The following EDA variants were observed in gnomAD, a reference collection of about 807,000 sequenced individuals.
EDA encodes ectodysplasin-A.
Under a neutral mutation model 23.6 loss-of-function variants are expected in EDA, and 2 were observed. That is an observed-to-expected ratio of 0.08 (90% confidence interval 0.03 to 0.27). The LOEUF (loss-of-function observed/expected upper bound fraction) is 0.27, where lower values mean the gene tolerates loss of function less well. Ranked by LOEUF, EDA falls within the 10% of genes least tolerant of loss-of-function variation. EDA has a pLI of 1.00. For synonymous variants in EDA, 131 were observed against 132.0 expected (o/e 0.99, Z 0.05); for missense variants, 229 against 324.2 (o/e 0.71, Z 2.26).
intron 1 of EDA, among the ~76,000 whole-genome samples, chrX:69,922,026 C>T (rs1192273663): frequency 8.9e-6 from 1 of 111,758 alleles, no homozygotes; most frequent in Non-Finnish European, 1.9e-5. Context: ...TTTGCCTTTT[C>T]CAAAATGTTG....
At chrX:69,935,564 G>T (rs1423612713) in intron 1 of EDA, among the ~76,000 whole-genome samples, 1 of 111,333 alleles carries the variant, frequency 9.0e-6, no homozygotes, top group Admixed American at 9.6e-5. Context: ...GTTTAAAAAG[G>T]ACCACCCAGT....
At chrX:69,800,527 T>A (rs1221727316) in intron 1 of EDA, among the ~76,000 whole-genome samples, 3 of 110,968 alleles carry the variant, frequency 2.7e-5, no homozygotes, top group Non-Finnish European at 5.7e-5. Context: ...GTATCATTTT[T>A]TAAAAAATAA....
intron 1 of EDA, among the ~76,000 whole-genome samples, chrX:69,734,709 G>T (rs1324836298): frequency 1.8e-5 from 2 of 111,453 alleles, no homozygotes; most frequent in Non-Finnish European, 3.8e-5. Flanking sequence ...GATAGATATT[G>T]TTTAATTTCC....
intron 1 of EDA, among the ~76,000 whole-genome samples, chrX:69,826,760 T>C (rs1435502186): frequency 9.1e-6 from 1 of 109,988 alleles, no homozygotes; most frequent in Non-Finnish European, 1.9e-5. Context: ...AGCTGGTGAT[T>C]TTGCTTGTTA....
At chrX:69,617,109 T>G in intron 1 of EDA, 1 of 290,967 alleles carries the variant, frequency 3.4e-6, no homozygotes, top group Non-Finnish European at 6.3e-6. Context: ...ACCAGCAGGC[T>G]CCCCTTTGGA....
intron 1 of EDA, among the ~76,000 whole-genome samples, chrX:69,851,195 A>T (rs1693307347): frequency 9.8e-6 from 1 of 101,596 alleles, no homozygotes; most frequent in African/African-American, 3.4e-5. Flanking sequence ...ACGTGTGTGT[A>T]TAACTTTTGT....
chrX:70,002,630 G>T (rs1415080548), intron 2 of EDA, among the ~76,000 whole-genome samples: 1 of 112,079 alleles, frequency 8.9e-6, no homozygotes, highest in Admixed American at 9.5e-5. Flanking sequence ...TGCAGATGAT[G>T]AATCATTTAG....
chrX:69,762,045 T>C (rs1429981609), intron 1 of EDA, among the ~76,000 whole-genome samples: 1 of 111,602 alleles, frequency 9.0e-6, no homozygotes, highest in Admixed American at 9.6e-5. Flanking sequence ...CTTGGCCAAT[T>C]TTGAGTAGTT....
chrX:69,681,940 C>G (rs962563676), intron 1 of EDA, among the ~76,000 whole-genome samples: 2 of 110,160 alleles, frequency 1.8e-5, no homozygotes, highest in Admixed American at 9.7e-5. Flanking sequence ...GTTTTTTCCC[C>G]ATCTTTGTGG....
At chrX:69,971,606 G>C (rs1398930617) in intron 2 of EDA, among the ~76,000 whole-genome samples, 1 of 111,646 alleles carries the variant, frequency 9.0e-6, no homozygotes, top group East Asian at 2.8e-4. Flanking sequence ...CCAAGATCCA[G>C]CTGTAGGCTT....
At chrX:69,678,912 G>A (rs1422020189) in intron 1 of EDA, among the ~76,000 whole-genome samples, 1 of 88,027 alleles carries the variant, frequency 1.1e-5, no homozygotes, top group South Asian at 6.5e-4. Context: ...TTTTCAAAGG[G>A]AATGCTTCCA....
intron 1 of EDA, among the ~76,000 whole-genome samples, chrX:69,948,377 C>T (rs369055923): frequency 8.9e-6 from 1 of 112,210 alleles, no homozygotes; most frequent in African/African-American, 3.2e-5. Flanking sequence ...TTAGATTCCA[C>T]ATTTAGCGTT....
chrX:70,033,710 C>CTTTTG (rs757634498), intron 7 of EDA, among the ~76,000 whole-genome samples, 182 bp downstream of exon 7: 170 of 110,889 alleles, frequency 1.5e-3, no homozygotes, highest in African/African-American at 4.9e-3. Flanking sequence ...GGGCCAGCTT[C>CTTTTG]TTTTGTTTTG....
At chrX:69,822,155 C>G (rs766588261) in intron 1 of EDA, among the ~76,000 whole-genome samples, 3 of 110,582 alleles carry the variant, frequency 2.7e-5, no homozygotes, top group African/African-American at 6.6e-5. Context: ...TATGGTGGTG[C>G]ACGCCTGTAG....
intron 1 of EDA, among the ~76,000 whole-genome samples, chrX:69,927,372 G>A (rs1306730834): frequency 9.0e-6 from 1 of 111,467 alleles, no homozygotes; most frequent in East Asian, 2.8e-4. Context: ...CTCAGCATTT[G>A]CTTGTCTGGA....
intron 1 of EDA, among the ~76,000 whole-genome samples, chrX:69,623,878 A>G (rs1237393610): frequency 2.7e-5 from 3 of 110,949 alleles, no homozygotes; most frequent in Non-Finnish European, 5.7e-5. Flanking sequence ...ACTTGTATCA[A>G]CTGGACCATT....
At chrX:69,828,135 A>G (rs6624441) in intron 1 of EDA, among the ~76,000 whole-genome samples, 49,135 of 109,594 alleles carry the variant, frequency 0.45, 8,732 homozygotes, top group East Asian at 0.72. Flanking sequence ...AGTCTGCAGA[A>G]GTTACTGCTG....
chrX:69,690,172 A>G (rs777124944), intron 1 of EDA, among the ~76,000 whole-genome samples: 11 of 111,304 alleles, frequency 9.9e-5, no homozygotes, highest in Non-Finnish European at 2.1e-4. Context: ...GTTCATAACT[A>G]TAACCTCTAG....
intron 1 of EDA, among the ~76,000 whole-genome samples, chrX:69,744,506 A>G (rs1439012209): frequency 8.9e-6 from 1 of 112,307 alleles, no homozygotes; most frequent in African/African-American, 3.2e-5. Context: ...CAATGTTGTA[A>G]AGATACTACC....
Sources: allele counts gnomAD v4.1 joint callset (sites outside exome capture counted in the v4.1 genomes callset), GRCh38; gene constraint gnomAD v4.1.1; transcripts MANE v1.5; gene names NCBI Gene and HGNC (gene_info 2026-07-23, HGNC 2026-07-21).